The following CEP63 variants were observed in gnomAD, a reference collection of about 807,000 sequenced individuals.
CEP63 encodes the protein centrosomal protein of 63 kDa.
A neutral mutation model predicts 89.1 loss-of-function variants in CEP63; 84 were observed. The observed-to-expected ratio is 0.94, with a 90% CI of 0.79 to 1.13. The LOEUF (loss-of-function observed/expected upper bound fraction) is 1.13, where lower values mean the gene tolerates loss of function less well. CEP63 is among the 50% of genes most tolerant of loss of function. The pLI is 0.00. For synonymous variants in CEP63, 267 were observed against 272.5 expected (o/e 0.98, Z 0.20); for missense variants, 838 against 813.3 (o/e 1.03, Z -0.37).
At chr3:134,608,226 C>G in the CEP63 span, 3 of 1,187,618 alleles carry the variant, frequency 2.5e-6, no homozygotes, top group South Asian at 4.7e-5. Context: ...TGTTGGGGAC[C>G]TGAGCCCAGA....
chr3:134,580,813 C>G (rs1958328739), intron 10 of CEP63, among the ~76,000 whole-genome samples: 1 of 152,178 alleles, frequency 6.6e-6, no homozygotes, highest in African/African-American at 2.4e-5. Context: ...TATCTATGCC[C>G]TAATAATCCC....
chr3:134,628,670 A>G, the CEP63 span, among the ~76,000 whole-genome samples: 1 of 152,218 alleles, frequency 6.6e-6, no homozygotes, highest in African/African-American at 2.4e-5. Flanking sequence ...TTTGTTACAC[A>G]CTTACTATGC....
At chr3:134,587,655 A>G (rs1448818443) in exon 11 of CEP63, among the ~76,000 whole-genome samples, 4 of 152,136 alleles carry the variant, frequency 2.6e-5, no homozygotes, top group Admixed American at 1.3e-4. Flanking sequence ...CACAGGGGTC[A>G]GGAACCCACT....
At position 134,562,680 on chromosome 3, in the gene CEP63, A is replaced by G. The variant is rs1957458113; in HGVS notation, c.*1145A>G. On this transcript the variant is annotated 3_prime_UTR_variant, in exon 15 of 15. Coordinates refer to ENST00000675561, the MANE Select transcript of CEP63 (RefSeq NM_001353108.3). Reference sequence around the variant, plus strand: ...GTAGTTCTCTTCCTAACCCTCTCCAACACCACTTCCATCCCCAGACTGCTT... The same window carrying G: ...GTAGTTCTCTTCCTAACCCTCTCCAGCACCACTTCCATCCCCAGACTGCTT... 3 of 152,152 alleles carry G rather than the reference A, an allele frequency of 2.0e-5. No homozygotes were observed. Among genetic ancestry groups the G allele is most frequent in the Admixed American group, 2.0e-4 (3 of 15,252 alleles). The allele number at this position is 152,152 out of a possible 1,614,324, so 9.4% of individuals were successfully genotyped here. A position where few individuals can be genotyped will look rare whatever the true frequency, so the allele number is the denominator to read the frequency against.
At chr3:134,673,379 C>T in the CEP63 span, among the ~76,000 whole-genome samples, 1 of 152,168 alleles carries the variant, frequency 6.6e-6, no homozygotes, top group Admixed American at 6.5e-5. Flanking sequence ...GTCCCACCCT[C>T]CTCCCTGGCC....
At chr3:134,634,032 A>T in the CEP63 span, among the ~76,000 whole-genome samples, 1 of 152,236 alleles carries the variant, frequency 6.6e-6, no homozygotes, top group Non-Finnish European at 1.5e-5. Flanking sequence ...TTAGTTATAA[A>T]TCTAAAACAA....
intron 11 of CEP63, among the ~76,000 whole-genome samples, chr3:134,573,593 C>T (rs1487561653): frequency 1.3e-5 from 2 of 152,076 alleles, no homozygotes; most frequent in African/African-American, 2.4e-5. Context: ...GTTTTCTATT[C>T]TATTCCATTG....
the CEP63 span, among the ~76,000 whole-genome samples, chr3:134,743,546 A>G: frequency 6.6e-6 from 1 of 152,122 alleles, no homozygotes; most frequent in Non-Finnish European, 1.5e-5. Context: ...CACTCCATGT[A>G]TGAGTTCAGG....
chr3:134,534,632 C>T (rs1317348287), intron 5 of CEP63, among the ~76,000 whole-genome samples: 2 of 152,198 alleles, frequency 1.3e-5, no homozygotes, highest in East Asian at 3.9e-4. Flanking sequence ...GGCAGAATCA[C>T]AGTTCTGCTT....
At chr3:134,701,761 C>T in the CEP63 span, among the ~76,000 whole-genome samples, 1 of 152,076 alleles carries the variant, frequency 6.6e-6, no homozygotes, top group African/African-American at 2.4e-5. Flanking sequence ...AAGGGGTGTT[C>T]AAATAGCAAG....
intron 3 of CEP63, among the ~76,000 whole-genome samples, chr3:134,531,303 G>A (rs953301893): frequency 1.3e-4 from 19 of 151,940 alleles, no homozygotes; most frequent in African/African-American, 2.9e-4. Context: ...ACACAGTTTC[G>A]GCCGGGCGCG....
At chr3:134,751,074 A>T in the CEP63 span, among the ~76,000 whole-genome samples, 4 of 152,246 alleles carry the variant, frequency 2.6e-5, no homozygotes, top group Non-Finnish European at 5.9e-5. Context: ...AACTGGAATC[A>T]CACAATATGT....
intron 3 of CEP63, 108 bp downstream of exon 3, chr3:134,507,394 T>A: frequency 1.3e-6 from 1 of 768,476 alleles, no homozygotes; most frequent in East Asian, 2.7e-5. Flanking sequence ...CAAGTTAGTT[T>A]ATTGTTTTTT....
At chr3:134,698,825 A>G in the CEP63 span, among the ~76,000 whole-genome samples, 1 of 152,194 alleles carries the variant, frequency 6.6e-6, no homozygotes, top group African/African-American at 2.4e-5. Context: ...TCATTCATCC[A>G]TCGTTTCACA....
At chr3:134,651,696 C>G in the CEP63 span, 1 of 856,226 alleles carries the variant, frequency 1.2e-6, no homozygotes, top group African/African-American at 1.8e-5. Flanking sequence ...TGATCTGAAA[C>G]GAAAGTCTTA....
chr3:134,658,671 G>T, the CEP63 span, among the ~76,000 whole-genome samples: 1 of 152,338 alleles, frequency 6.6e-6, no homozygotes, highest in East Asian at 1.9e-4. Context: ...GCTCTTCTGT[G>T]TCTGTCTCAC....
chr3:134,733,758 G>C, the CEP63 span, among the ~76,000 whole-genome samples: 1 of 152,304 alleles, frequency 6.6e-6, no homozygotes, highest in East Asian at 1.9e-4. Context: ...AGATTTCAGA[G>C]GGATCCTGGC....
At chr3:134,677,258 CA>C in the CEP63 span, among the ~76,000 whole-genome samples, 1 of 151,888 alleles carries the variant, frequency 6.6e-6, no homozygotes, top group Non-Finnish European at 1.5e-5. Flanking sequence ...GACTCCATCT[CA>C]AAAAAAAGTT....
chr3:134,581,304 G>A (rs1958340243), intron 10 of CEP63, among the ~76,000 whole-genome samples: 1 of 152,164 alleles, frequency 6.6e-6, no homozygotes, highest in Non-Finnish European at 1.5e-5. Context: ...ATATGGGCCA[G>A]ACGCGGTGGC....
Sources: allele counts gnomAD v4.1 joint callset (sites outside exome capture counted in the v4.1 genomes callset), GRCh38; gene constraint gnomAD v4.1.1; transcripts MANE v1.5; gene names NCBI Gene and HGNC (gene_info 2026-07-23, HGNC 2026-07-21).